MAN1A1: variants seen among roughly 807,000 people sequenced by gnomAD.
MAN1A1 encodes the protein mannosyl-oligosaccharide 1,2-alpha-mannosidase IA.
MAN1A1 carries 29 observed loss-of-function variants against 70.8 expected under a neutral mutation model. That is an observed-to-expected ratio of 0.41 (90% CI 0.31 to 0.56). The LOEUF is 0.56. MAN1A1 is among the 20% of genes least tolerant of loss of function. MAN1A1 has a pLI of 0.29. For missense variants in MAN1A1, 747 were observed against 841.3 expected (o/e 0.89, Z 1.39); for synonymous variants, 349 against 330.1 (o/e 1.06, Z -0.62).
chr6:119,255,754 C>T (rs1202056485), intron 5 of MAN1A1, among the ~76,000 whole-genome samples: 1 of 152,124 alleles, frequency 6.6e-6, no homozygotes, highest in Non-Finnish European at 1.5e-5. Context: ...GACGGGTGAT[C>T]CTTTTGATCC....
intron 2 of MAN1A1, among the ~76,000 whole-genome samples, chr6:119,313,472 A>T (rs964485495): frequency 1.3e-5 from 2 of 152,202 alleles, no homozygotes; most frequent in Non-Finnish European, 2.9e-5. Flanking sequence ...CAAATGCTGA[A>T]ATAAATGTAT....
intron 6 of MAN1A1, among the ~76,000 whole-genome samples, chr6:119,235,573 T>C (rs976349818): frequency 4.6e-5 from 7 of 152,156 alleles, no homozygotes; most frequent in African/African-American, 1.4e-4. Flanking sequence ...CTCTGTAACA[T>C]AGAAGTGCAA....
At chr6:119,270,082 T>A (rs1021389597) in intron 5 of MAN1A1, among the ~76,000 whole-genome samples, 11 of 152,344 alleles carry the variant, frequency 7.2e-5, no homozygotes, top group Admixed American at 7.2e-4. Flanking sequence ...CCTGAGTCCT[T>A]TGACCTTACT....
chr6:119,211,202 T>C lies in MAN1A1; in HGVS notation c.993-6320A>G, dbSNP rs77044810. Among the ~76,000 whole-genome samples the C allele has an allele frequency of 6.0e-4, 92 of 152,346 alleles. No homozygotes were observed. In the East Asian group the frequency reaches 0.016, roughly 26 times the overall value. ...GACAGTACTTAAGACACTAACACCA[T>C]AGTGAAATTTGGCTATGTTTTCCAT... is the stretch of plus-strand genomic sequence containing the variant. On this transcript the variant is annotated intron_variant, in intron 6 of 12. Coordinates refer to ENST00000368468, the MANE Select transcript of MAN1A1 (RefSeq NM_005907.4).
chr6:119,279,896 T>A (rs1486072959), intron 5 of MAN1A1, among the ~76,000 whole-genome samples: 2 of 152,226 alleles, frequency 1.3e-5, no homozygotes, highest in Non-Finnish European at 2.9e-5. Flanking sequence ...GTACCCTCCA[T>A]AAAGTCATCC....
At chr6:119,266,458 A>G (rs1775756810) in intron 5 of MAN1A1, among the ~76,000 whole-genome samples, 1 of 152,184 alleles carries the variant, frequency 6.6e-6, no homozygotes, top group Non-Finnish European at 1.5e-5. Context: ...TCTTTGACAA[A>G]GGAACAAAGA....
intron 12 of MAN1A1, 84 bp from the exon 13 acceptor site, chr6:119,180,029 T>C (rs1773108320): frequency 2.2e-6 from 3 of 1,371,930 alleles, no homozygotes; most frequent in South Asian, 2.4e-5. Flanking sequence ...ACCACATCAA[T>C]GTCTGCATTC....
chr6:119,191,624 C>T (rs1773443994), intron 9 of MAN1A1, among the ~76,000 whole-genome samples: 1 of 152,118 alleles, frequency 6.6e-6, no homozygotes, highest in South Asian at 2.1e-4. Flanking sequence ...CCTTCAGAAT[C>T]GTAAGTGTCT....
intron 11 of MAN1A1, among the ~76,000 whole-genome samples, chr6:119,184,641 G>C (rs1170608528): frequency 6.6e-6 from 1 of 151,924 alleles, no homozygotes; most frequent in Non-Finnish European, 1.5e-5. Context: ...GAGTGGAAAA[G>C]GTTAGGTTTA....
At chr6:119,317,028 C>T (rs1772872665) in intron 2 of MAN1A1, among the ~76,000 whole-genome samples, 4 of 150,816 alleles carry the variant, frequency 2.7e-5, no homozygotes, top group Admixed American at 2.6e-4. Flanking sequence ...AATTGTAGGG[C>T]ACAAGTATTT....
intron 2 of MAN1A1, among the ~76,000 whole-genome samples, chr6:119,322,539 A>G (rs574478092): frequency 1.8e-4 from 28 of 152,180 alleles, no homozygotes; most frequent in Non-Finnish European, 2.5e-4. Context: ...GCCACTATGT[A>G]CACCGAAACG....
chr6:119,223,018 G>A (rs1312263749), intron 6 of MAN1A1, among the ~76,000 whole-genome samples: 7 of 152,118 alleles, frequency 4.6e-5, no homozygotes, highest in African/African-American at 1.7e-4. Context: ...GAATTGTATG[G>A]TATGTGAATT....
Position 119,345,759 on chromosome 6 carries a change from A to G in MAN1A1, c.603+2704T>C, listed in dbSNP as rs140914332. Among the ~76,000 whole-genome samples the G allele has an allele frequency of 6.9e-4, 105 of 152,346 alleles. 1 individual carries two copies. Among genetic ancestry groups the G allele is most frequent in the Admixed American group, 5.8e-3 (89 of 15,308 alleles). On this transcript the variant is annotated intron_variant, in intron 2 of 12. Coordinates refer to ENST00000368468, the MANE Select transcript of MAN1A1 (RefSeq NM_005907.4). ...TGAGTGCACTTTCTAAATTTTAACT[A>G]TAAGTGTTGGTGCATTCAGGTGTGA... is the stretch of plus-strand genomic sequence containing the variant.
chr6:119,193,162 T>C (rs1273876186), intron 9 of MAN1A1, among the ~76,000 whole-genome samples: 2 of 150,484 alleles, frequency 1.3e-5, no homozygotes, highest in Non-Finnish European at 2.9e-5. Flanking sequence ...TCTCAAGTAC[T>C]GTGAGAGAGA....
At chr6:119,284,394 A>G (rs1776304696) in intron 5 of MAN1A1, among the ~76,000 whole-genome samples, 2 of 152,010 alleles carry the variant, frequency 1.3e-5, no homozygotes, top group Admixed American at 6.6e-5. Flanking sequence ...GGTCATCAAA[A>G]CTTTCTGTCT....
chr6:119,208,596 T>C (rs568543330), intron 6 of MAN1A1, among the ~76,000 whole-genome samples: 23 of 152,302 alleles, frequency 1.5e-4, no homozygotes, highest in African/African-American at 4.8e-4. Flanking sequence ...CAATGGGCTT[T>C]ATGTGCTTTT....
chr6:119,188,551 T>G lies in MAN1A1; in HGVS notation c.1573A>C (p.Arg525=), dbSNP rs774341791. The G allele has an allele frequency of 3.4e-5, 55 of 1,613,274 alleles. No individual in the cohort carries two copies. Among genetic ancestry groups the G allele is most frequent in the Non-Finnish European group, 5.9e-6 (7 of 1,179,794 alleles). Residue 525 remains arginine, a synonymous_variant, in exon 11 of 13, where the codon AGA becomes CGA. Transcript: ENST00000368468. ...ATGGCTTCAACACCACCATCAAATC[T>G]GAAAGCTTCTGGTCCCAGTTTCATA... The part of the protein sequence containing the change: ...TFMKLGPEAF[R]FDGGVEAIAT...
At chr6:119,221,915 A>G (rs979069977) in intron 6 of MAN1A1, among the ~76,000 whole-genome samples, 1 of 152,238 alleles carries the variant, frequency 6.6e-6, no homozygotes, top group African/African-American at 2.4e-5. Context: ...ACCTATCTAT[A>G]TAAAGCATAA....
intron 2 of MAN1A1, among the ~76,000 whole-genome samples, chr6:119,313,423 A>G (rs929988637): frequency 6.6e-6 from 1 of 152,158 alleles, no homozygotes; most frequent in African/African-American, 2.4e-5. Context: ...ATTTTACCCC[A>G]TATGAAATTC....
Sources: gnomAD v4.1 joint callset for allele counts (sites outside exome capture counted in the v4.1 genomes callset) on GRCh38, gnomAD v4.1.1 for gene constraint, MANE v1.5 for transcripts, NCBI Gene and HGNC (gene_info 2026-07-23, HGNC 2026-07-21) for gene names.